The following CDH13 variants were observed in gnomAD, a reference collection of about 807,000 sequenced individuals.
CDH13 encodes cadherin 13.
Under a neutral mutation model 63.8 loss-of-function variants are expected in CDH13, and 24 were observed. The ratio of observed to expected loss-of-function variants is 0.38; its 90% confidence interval spans 0.27 to 0.53. The LOEUF (loss-of-function observed/expected upper bound fraction) is 0.53, where lower values mean the gene tolerates loss of function less well. Among genes scored for constraint, CDH13 ranks in the 20% least tolerant of loss-of-function variants. CDH13 has a pLI of 0.85. For missense variants in CDH13, 1,049 were observed against 903.1 expected, an observed-to-expected ratio of 1.16 and a Z score of -2.07; for synonymous variants, 503 against 355.3, an observed-to-expected ratio of 1.42 and a Z score of -4.67.
intron 8 of CDH13, among the ~76,000 whole-genome samples, chr16:83,604,096 A>T (rs966527334): frequency 1.3e-5 from 2 of 152,266 alleles, no homozygotes; most frequent in Non-Finnish European, 2.9e-5. Context: ...ATAATTCAAC[A>T]TGAGATTTGG....
At chr16:83,674,422 T>C (rs1160981760) in intron 9 of CDH13, among the ~76,000 whole-genome samples, 1 of 152,174 alleles carries the variant, frequency 6.6e-6, no homozygotes, top group Non-Finnish European at 1.5e-5. Flanking sequence ...TATGAGACCC[T>C]CTCCTCTTAT....
At chr16:83,040,901 C>G (rs112831443) in intron 3 of CDH13, among the ~76,000 whole-genome samples, 88 of 152,268 alleles carry the variant, frequency 5.8e-4, no homozygotes, top group African/African-American at 1.9e-3. Flanking sequence ...TGACCCAGTC[C>G]TCCATCCATG....
At chr16:83,025,150 T>A (rs1915681761) in intron 2 of CDH13, among the ~76,000 whole-genome samples, 1 of 152,176 alleles carries the variant, frequency 6.6e-6, no homozygotes, top group Non-Finnish European at 1.5e-5. Context: ...AGCAACAAGC[T>A]CTGTCCTAAG....
intron 1 of CDH13, among the ~76,000 whole-genome samples, chr16:82,768,988 G>A (rs1314413504): frequency 6.6e-6 from 1 of 152,134 alleles, no homozygotes; most frequent in Non-Finnish European, 1.5e-5. Flanking sequence ...GCATCTCTCT[G>A]ATTAAAAAGA....
chr16:82,814,760 C>G (rs1293897742), intron 1 of CDH13, among the ~76,000 whole-genome samples: 1 of 152,096 alleles, frequency 6.6e-6, no homozygotes, highest in African/African-American at 2.4e-5. Flanking sequence ...GTGGGAACTC[C>G]AATTTATAGT....
At position 83,123,341 on chromosome 16, in the gene CDH13, G is replaced by A. The variant is rs148758160; in HGVS notation, c.367-2044G>A. 5.9e-3 allele frequency among the ~76,000 whole-genome samples: 894 copies of A among 151,852 alleles called. 9 individuals are homozygous for A. Among genetic ancestry groups the A allele is most frequent in the African/African-American group, 0.021 (850 of 41,408 alleles). On this transcript the variant is annotated intron_variant, in intron 3 of 13. Transcript: ENST00000567109. The stretch of plus-strand genomic sequence containing the variant: ...GTTGCCCAGGCTGGAGTGCAATGGC[G>A]CGATCTCGGCTCACTGCAACCTCTG...
intron 1 of CDH13, among the ~76,000 whole-genome samples, chr16:82,630,223 C>T (rs1907838367): frequency 2.0e-5 from 3 of 152,090 alleles, no homozygotes; most frequent in Admixed American, 1.3e-4. Context: ...GAGGGTGCTG[C>T]CCCCTCCCCC....
intron 2 of CDH13, among the ~76,000 whole-genome samples, chr16:82,953,007 C>G (rs746711571): frequency 5.9e-5 from 9 of 152,180 alleles, no homozygotes; most frequent in South Asian, 2.1e-4. Flanking sequence ...TGTGAACATA[C>G]TGCCAGCAAG....
intron 5 of CDH13, among the ~76,000 whole-genome samples, chr16:83,303,709 TA>T (rs577050414): frequency 3.3e-5 from 5 of 152,176 alleles, no homozygotes; most frequent in Admixed American, 2.6e-4. Context: ...GATGAAGGAA[TA>T]GGGGGAAGGT....
intron 1 of CDH13, among the ~76,000 whole-genome samples, chr16:82,666,503 G>T (rs1041920210): frequency 6.6e-6 from 1 of 152,174 alleles, no homozygotes; most frequent in African/African-American, 2.4e-5. Context: ...CTCTCACTTT[G>T]TGTGGAATAG....
chr16:82,766,262 A>G (rs535514973), intron 1 of CDH13, among the ~76,000 whole-genome samples: 4 of 152,312 alleles, frequency 2.6e-5, no homozygotes, highest in South Asian at 4.1e-4. Flanking sequence ...TTAGGTCAAG[A>G]TGCACTGAGA....
chr16:83,067,612 T>C (rs1201952995), intron 3 of CDH13, among the ~76,000 whole-genome samples: 1 of 152,194 alleles, frequency 6.6e-6, no homozygotes, highest in Non-Finnish European at 1.5e-5. Context: ...TATTTAACTT[T>C]AGGGATAAAA....
intron 11 of CDH13, among the ~76,000 whole-genome samples, chr16:83,774,878 A>G (rs1915000777): frequency 6.6e-6 from 1 of 152,184 alleles, no homozygotes; most frequent in Non-Finnish European, 1.5e-5. Flanking sequence ...TCCCACAACA[A>G]TTTGAATGTA....
intron 7 of CDH13, among the ~76,000 whole-genome samples, chr16:83,499,807 A>G (rs922732381): frequency 7.4e-5 from 1 of 13,566 alleles, no homozygotes; most frequent in African/African-American, 1.5e-4. Context: ...CAATTCTGTT[A>G]ATCTTTTTTT....
intron 1 of CDH13, among the ~76,000 whole-genome samples, chr16:82,675,595 C>A (rs1221745517): frequency 6.6e-6 from 1 of 152,074 alleles, no homozygotes; most frequent in Non-Finnish European, 1.5e-5. Flanking sequence ...AGATGCTTTT[C>A]TAAGTACTTC....
intron 1 of CDH13, chr16:82,639,313 C>G: frequency 1.5e-6 from 2 of 1,373,728 alleles, no homozygotes; most frequent in Non-Finnish European, 2.0e-6. Flanking sequence ...CAGGGTCAGC[C>G]CGGGGTCATT....
intron 5 of CDH13, among the ~76,000 whole-genome samples, chr16:83,314,156 T>C (rs1471334107): frequency 6.6e-6 from 1 of 152,202 alleles, no homozygotes; most frequent in African/African-American, 2.4e-5. Context: ...GTGTCTAGTA[T>C]TATTTATTTT....
intron 6 of CDH13, among the ~76,000 whole-genome samples, chr16:83,379,872 GATT>G (rs1206778165): frequency 1.3e-5 from 2 of 148,624 alleles, no homozygotes; most frequent in African/African-American, 5.0e-5. Context: ...TTTCTATAAA[GATT>G]ATATGTGTGT....
intron 8 of CDH13, among the ~76,000 whole-genome samples, chr16:83,607,806 T>A (rs1229565067): frequency 6.6e-6 from 1 of 152,232 alleles, no homozygotes; most frequent in Non-Finnish European, 1.5e-5. Flanking sequence ...TATTTTGAAA[T>A]GATCTGAGAA....
Sources: gnomAD v4.1 joint callset for allele counts (sites outside exome capture counted in the v4.1 genomes callset) on GRCh38, gnomAD v4.1.1 for gene constraint, MANE v1.5 for transcripts, NCBI Gene and HGNC (gene_info 2026-07-23, HGNC 2026-07-21) for gene names.